MYOZ3: variants seen among roughly 807,000 people sequenced by gnomAD.
The protein encoded by MYOZ3 is myozenin-3.
Under a neutral mutation model 26.5 loss-of-function variants are expected in MYOZ3, and 19 were observed. That is an observed-to-expected ratio of 0.72 (90% CI 0.50 to 1.05). The LOEUF is 1.05. Ranked by LOEUF, MYOZ3 falls within the 50% of genes least tolerant of loss-of-function variation. MYOZ3 has a pLI of 0.00. For missense variants in MYOZ3, 322 were observed against 337.1 expected, an observed-to-expected ratio of 0.96 and a Z score of 0.35; for synonymous variants, 135 against 138.8, an observed-to-expected ratio of 0.97 and a Z score of 0.19.
intron 2 of MYOZ3, among the ~76,000 whole-genome samples, chr5:150,665,740 T>A (rs928663235): frequency 3.3e-5 from 5 of 151,852 alleles, no homozygotes; most frequent in South Asian, 2.1e-4. Context: ...TTTTTTTTTT[T>A]AAATATTGAG....
intron 1 of MYOZ3, among the ~76,000 whole-genome samples, chr5:150,661,939 C>T (rs1581530024): frequency 6.6e-6 from 1 of 152,294 alleles, no homozygotes; most frequent in East Asian, 1.9e-4. Context: ...TTAGCCTAAC[C>T]CCCTACTGTT....
chr5:150,671,733 G>A (rs1758914509), intron 4 of MYOZ3, 22 bp from the exon 5 acceptor site: 2 of 1,613,258 alleles, frequency 1.2e-6, no homozygotes, highest in Non-Finnish European at 8.5e-7. Context: ...GGTGGCCTCT[G>A]AGAACCCGCC....
rs180882491 is a variant in MYOZ3 at position 150,662,829 on chromosome 5, G to C, written c.-1-112G>C. 29 of 876,912 alleles carry C rather than the reference G, an allele frequency of 3.3e-5. No individual in the cohort carries two copies. The African/African-American group carries it at 5.0e-4, about 15-fold the overall frequency. The allele number at this position is 876,912 out of a possible 1,614,324, so 54.3% of individuals were successfully genotyped here. A position where few individuals can be genotyped will look rare whatever the true frequency, so the allele number is the denominator to read the frequency against. ...CTCAGACATCCCTTGCTTGTGATTTGGGGCTGGCCTAAAGCTGTTCAGGAC... is the reference window on the plus strand; with the variant it reads ...CTCAGACATCCCTTGCTTGTGATTTCGGGCTGGCCTAAAGCTGTTCAGGAC... On this transcript the variant is annotated intron_variant, in intron 1 of 6. Transcript: ENST00000517768.
At position 150,671,905 on chromosome 5, in the gene MYOZ3, CCAGGTGAGTGGCCTCCT is replaced by C; in HGVS notation, c.423_424+15del. On this transcript the variant is annotated splice_donor_variant and splice_donor_5th_base_variant and coding_sequence_variant and intron_variant, in exon 5 of 7. Coordinates refer to ENST00000517768, the MANE Select transcript of MYOZ3 (RefSeq NM_001122853.3). LOFTEE classifies it high-confidence loss of function. Reference sequence around the variant, plus strand: ...CGTCCCCAGCCCCAGCGCCCTGGCGCCAGGTGAGTGGCCTCCTCGGGTCCCGGGACCAGGGCTGGGGG... The same window carrying C: ...CGTCCCCAGCCCCAGCGCCCTGGCGCCGGGTCCCGGGACCAGGGCTGGGGG... The C allele has an allele frequency of 6.5e-7, 1 of 1,541,700 alleles. No individual in the cohort carries two copies.
At chr5:150,673,425 C>T (rs559277940) in intron 6 of MYOZ3, 2 of 152,356 alleles carry the variant, frequency 1.3e-5, no homozygotes, top group South Asian at 4.1e-4. Flanking sequence ...ACTGCAACCT[C>T]TTCCTCCTGG....
chr5:150,665,580 CA>C (rs1279324464), intron 2 of MYOZ3, among the ~76,000 whole-genome samples: 8 of 152,228 alleles, frequency 5.3e-5, no homozygotes, highest in African/African-American at 1.9e-4. Context: ...AATACTCAGT[CA>C]AATAGATTTT....
At chr5:150,671,548 C>G (rs993374282) in intron 3 of MYOZ3, 49 bp from the exon 4 acceptor site, 4 of 1,608,474 alleles carry the variant, frequency 2.5e-6, no homozygotes, top group Non-Finnish European at 3.4e-6. Flanking sequence ...ACCCTGGTCC[C>G]CTGCCCCGCT....
At chr5:150,676,654 A>G in intron 6 of MYOZ3, 53 bp from the exon 7 acceptor site, 2 of 1,573,714 alleles carry the variant, frequency 1.3e-6, no homozygotes, top group East Asian at 4.5e-5. Flanking sequence ...ATGTCAGTGT[A>G]CTGCTGTCCC....
intron 3 of MYOZ3, chr5:150,670,920 G>T (rs1330072646): frequency 1.8e-5 from 4 of 227,120 alleles, no homozygotes; most frequent in East Asian, 8.6e-5. Flanking sequence ...GCTAAGACAG[G>T]CATGCACTCT....
intron 3 of MYOZ3, 160 bp from the exon 4 acceptor site, chr5:150,671,437 C>A: frequency 1.4e-6 from 1 of 702,928 alleles, no homozygotes; most frequent in Non-Finnish European, 2.4e-6. Flanking sequence ...CGGTCCCAGG[C>A]ACTGGGTTTA....
At chr5:150,664,505 T>G (rs1399222109) in intron 2 of MYOZ3, among the ~76,000 whole-genome samples, 1 of 152,210 alleles carries the variant, frequency 6.6e-6, no homozygotes, top group African/African-American at 2.4e-5. Context: ...TCTCACTACC[T>G]AAAGACGGCC....
In MYOZ3 at chr5:150,679,160, A is replaced by G. The variant is rs1759065814; in HGVS notation, c.*2285A>G. The G allele has an allele frequency of 6.6e-6, 1 of 152,346 alleles. No individual in the cohort carries two copies. Among genetic ancestry groups the G allele is most frequent in the African/African-American group, 2.4e-5 (1 of 41,456 alleles). 9.4% of individuals were successfully genotyped at this position (152,346 alleles called of 1,614,324 possible). ...AGCCATTCAAGAATCTGAAAAGTAG[A>G]CAAGAGGACTCCAGTTGCCTCAGGT... is the stretch of plus-strand genomic sequence containing the variant. On this transcript the variant is annotated 3_prime_UTR_variant, in exon 7 of 7. Coordinates refer to ENST00000517768, the MANE Select transcript of MYOZ3 (RefSeq NM_001122853.3).
chr5:150,661,852 T>C (rs1758737029), intron 1 of MYOZ3, among the ~76,000 whole-genome samples: 1 of 152,194 alleles, frequency 6.6e-6, no homozygotes, highest in Non-Finnish European at 1.5e-5. Context: ...CCCAAATGCA[T>C]GTAGACACAC....
At chr5:150,661,987 C>T (rs1758741386) in intron 1 of MYOZ3, among the ~76,000 whole-genome samples, 1 of 152,202 alleles carries the variant, frequency 6.6e-6, no homozygotes, top group Non-Finnish European at 1.5e-5. Flanking sequence ...TGGAAAGCTA[C>T]TTGTTCGCAG....
intron 6 of MYOZ3, among the ~76,000 whole-genome samples, chr5:150,673,629 C>T (rs979797237): frequency 1.3e-5 from 2 of 152,132 alleles, no homozygotes; most frequent in Non-Finnish European, 2.9e-5. Flanking sequence ...CATGAGCCAC[C>T]GCCCCCGGCG....
At chr5:150,674,319 T>C (rs1168093056) in intron 6 of MYOZ3, among the ~76,000 whole-genome samples, 2 of 152,346 alleles carry the variant, frequency 1.3e-5, no homozygotes, top group East Asian at 3.9e-4. Context: ...TCATGCCTCA[T>C]GTATGACAGC....
chr5:150,668,846 G>A (rs1758847891), intron 2 of MYOZ3, among the ~76,000 whole-genome samples: 1 of 152,212 alleles, frequency 6.6e-6, no homozygotes, highest in South Asian at 2.1e-4. Flanking sequence ...GTAAAGACTA[G>A]TTCCAACTAT....
In MYOZ3 at chr5:150,672,326, C is replaced by G. The variant is rs2151448479; in HGVS notation, c.425-14C>G. On this transcript the variant is annotated splice_polypyrimidine_tract_variant and intron_variant, in intron 5 of 6. Transcript: ENST00000517768. ...TGGAAGAACGGAGGCGCTCCCTTCC[C>G]CCCGCGCCCCTAGGCTATGCGGAGC... 1.3e-6 allele frequency: 2 copies of G among 1,588,030 alleles called. No individual in the cohort carries two copies. Among genetic ancestry groups the G allele is most frequent in the African/African-American group, 2.7e-5 (2 of 74,766 alleles).
intron 6 of MYOZ3, among the ~76,000 whole-genome samples, chr5:150,673,787 G>A (rs1050887824): frequency 1.3e-5 from 2 of 152,218 alleles, no homozygotes; most frequent in African/African-American, 4.8e-5. Flanking sequence ...TTGGGCTGAG[G>A]AGTGCATGTT....
Sources: allele counts gnomAD v4.1 joint callset (sites outside exome capture counted in the v4.1 genomes callset), GRCh38; gene constraint gnomAD v4.1.1; transcripts MANE v1.5; gene names NCBI Gene and HGNC (gene_info 2026-07-23, HGNC 2026-07-21).